Variants in UTP20 observed in about 807,000 individuals in gnomAD.
UTP20 encodes UTP20 small subunit processome component.
Under a neutral mutation model 329.5 loss-of-function variants are expected in UTP20, and 164 were observed. The observed-to-expected ratio is 0.50, with a 90% CI of 0.44 to 0.57. The LOEUF (loss-of-function observed/expected upper bound fraction) is 0.57. UTP20 is among the 20% of genes least tolerant of loss of function. UTP20 has a pLI of 0.00. For synonymous variants in UTP20, 1,151 were observed against 1,159.3 expected (o/e 0.99, Z 0.14); for missense variants, 3,055 against 3,284.2 (o/e 0.93, Z 1.71).
At chr12:101,298,220 G>T (rs1466963139) in intron 12 of UTP20, among the ~76,000 whole-genome samples, 2 of 152,132 alleles carry the variant, frequency 1.3e-5, no homozygotes, top group African/African-American at 2.4e-5. Flanking sequence ...CCTTCTTTTG[G>T]GGAAAGGAAT....
chr12:101,290,044 A>T, intron 6 of UTP20, 93 bp from the exon 7 acceptor site: 1 of 1,003,176 alleles, frequency 1.0e-6, no homozygotes, highest in Non-Finnish European at 1.4e-6. Flanking sequence ...AAGTATATTT[A>T]AATAACAATA....
chr12:101,288,106 T>A (rs899294961), intron 5 of UTP20, among the ~76,000 whole-genome samples: 4 of 152,228 alleles, frequency 2.6e-5, no homozygotes, highest in African/African-American at 9.6e-5. Flanking sequence ...CAAGCTTGTA[T>A]GACTTGAGCA....
At chr12:101,346,238 C>T (rs746506388) in intron 37 of UTP20, among the ~76,000 whole-genome samples, 11 of 152,134 alleles carry the variant, frequency 7.2e-5, no homozygotes, top group South Asian at 2.1e-4. Context: ...TTAGTAGAGA[C>T]GGGGTTTTCT....
intron 14 of UTP20, among the ~76,000 whole-genome samples, chr12:101,302,211 A>G (rs1260501200): frequency 1.3e-5 from 2 of 152,188 alleles, no homozygotes; most frequent in Non-Finnish European, 2.9e-5. Flanking sequence ...GATTACAGGT[A>G]TGAGCCACCA....
chr12:101,384,592 T>C (rs1870765752), intron 60 of UTP20, among the ~76,000 whole-genome samples: 1 of 152,214 alleles, frequency 6.6e-6, no homozygotes, highest in Non-Finnish European at 1.5e-5. Flanking sequence ...TTATATGAAA[T>C]AGTTTTAAAA....
chr12:101,315,442 C>CCACT (rs2137255717), intron 21 of UTP20, among the ~76,000 whole-genome samples: 1 of 151,834 alleles, frequency 6.6e-6, no homozygotes, highest in Admixed American at 6.6e-5. Flanking sequence ...TGAGATTGTG[C>CCACT]CACTGCACTC....
chr12:101,319,561 T>C lies in UTP20; in HGVS notation c.2755T>C (p.Leu919=), dbSNP rs1052768879. 1 of 1,605,868 alleles carries C rather than the reference T, an allele frequency of 6.2e-7. No individual in the cohort carries two copies. Among genetic ancestry groups the C allele is most frequent in the African/African-American group, 1.3e-5 (1 of 74,504 alleles). The change falls in exon 23 of 62, where the codon TTG becomes CTG. Residue 919 remains leucine, a synonymous_variant. Coordinates refer to ENST00000261637, the MANE Select transcript of UTP20 (RefSeq NM_014503.3). ...TTTGTTTAGGCAATTAATTGCTCAT[T>C]TGCAAGTTTTCTCTAAATTTTCAAA... The part of the protein sequence containing the change: ...RAAAKQLIAH[L]QVFSKFSNPR...
intron 11 of UTP20, 132 bp from the exon 12 acceptor site, chr12:101,295,348 A>C (rs1336956004): frequency 1.3e-6 from 1 of 785,192 alleles, no homozygotes; most frequent in African/African-American, 1.7e-5. Context: ...TTTAGTTTCC[A>C]TTGTTCCTAT....
At chr12:101,383,806 T>C (rs1313946012) in intron 60 of UTP20, 137 bp downstream of exon 60, 1 of 299,496 alleles carries the variant, frequency 3.3e-6, no homozygotes, top group Non-Finnish European at 5.2e-6. Context: ...TTTAATTATA[T>C]ATTATATACT....
At chr12:101,303,801 T>G (rs559093086) in intron 15 of UTP20, among the ~76,000 whole-genome samples, 2 of 152,338 alleles carry the variant, frequency 1.3e-5, no homozygotes, top group East Asian at 3.9e-4. Flanking sequence ...GGGAATACTA[T>G]AATAATCTGG....
Position 101,321,434 on chromosome 12 carries a change from A to G in UTP20, c.2916-70A>G, listed in dbSNP as rs1868372105. On this transcript the variant is annotated intron_variant, in intron 24 of 61. Coordinates refer to ENST00000261637, the MANE Select transcript of UTP20 (RefSeq NM_014503.3). ...ATTTTAGTTATTACTCTGTGTACAT[A>G]TTTCACTCTTTCATTATTCAAAAGC... 3.8e-6 allele frequency: 6 copies of G among 1,591,082 alleles called. No homozygotes were observed. In the Admixed American group the frequency reaches 5.1e-5, roughly 13 times the overall value.
In UTP20 at chr12:101,352,174, C is replaced by T; in HGVS notation, c.5004C>T (p.Ile1668=). 1 of 1,607,374 alleles carries T rather than the reference C, an allele frequency of 6.2e-7. No individual in the cohort carries two copies. Among genetic ancestry groups the T allele is most frequent in the Non-Finnish European group, 8.5e-7 (1 of 1,178,644 alleles). The change falls in exon 39 of 62, where the codon ATC becomes ATT. Residue 1668 remains isoleucine, a synonymous_variant. Transcript: ENST00000261637. ...TTCATGTCTTACAAACGGGACAGAT[C>T]AATCAAAAACTGGGTGTCAGGTGTG... ...HFIHVLQTGQ[I]NQKLGVSLLV... is the part of the protein sequence containing the mutation.
At position 101,290,987 on chromosome 12, in the gene UTP20, A is replaced by T. The variant is rs184791166; in HGVS notation, c.891+99A>T. On this transcript the variant is annotated intron_variant, in intron 8 of 61. Coordinates refer to ENST00000261637, the MANE Select transcript of UTP20 (RefSeq NM_014503.3). Reference sequence around the variant, plus strand: ...AAATCACTCCTAGAAGTTATATTTTATAATTGTTTTATTTATACTTCTGTA... The same window carrying T: ...AAATCACTCCTAGAAGTTATATTTTTTAATTGTTTTATTTATACTTCTGTA... The T allele has an allele frequency of 3.9e-6, 5 of 1,292,984 alleles. No homozygotes were observed. In the African/African-American group the frequency reaches 7.6e-5, roughly 20 times the overall value. The allele number at this position is 1,292,984 out of a possible 1,614,324, so 80.1% of individuals were successfully genotyped here.
At chr12:101,362,145 A>G (rs1869947516) in intron 44 of UTP20, 85 bp downstream of exon 44, 2 of 966,822 alleles carry the variant, frequency 2.1e-6, no homozygotes, top group African/African-American at 1.7e-5. Flanking sequence ...AGAAATAATA[A>G]TAGCCCATAA....
intron 17 of UTP20, among the ~76,000 whole-genome samples, chr12:101,307,374 A>G (rs1004684241): frequency 2.6e-5 from 4 of 151,556 alleles, no homozygotes; most frequent in African/African-American, 7.3e-5. Flanking sequence ...TATATCTACC[A>G]CATACCTCAT....
chr12:101,332,317 A>G (rs184694727), intron 27 of UTP20, among the ~76,000 whole-genome samples: 18 of 152,362 alleles, frequency 1.2e-4, no homozygotes, highest in Admixed American at 1.2e-3. Flanking sequence ...AACCTGGGCA[A>G]CAAGAGCGAA....
chr12:101,283,118 C>T (rs1871851986), intron 2 of UTP20, among the ~76,000 whole-genome samples: 1 of 152,172 alleles, frequency 6.6e-6, no homozygotes, highest in African/African-American at 2.4e-5. Flanking sequence ...TAGGTGACTT[C>T]AGAGGTGAAA....
At chr12:101,280,374 A>T in intron 1 of UTP20, 47 bp downstream of exon 1, 3 of 1,550,932 alleles carry the variant, frequency 1.9e-6, no homozygotes, top group Non-Finnish European at 2.6e-6. Flanking sequence ...CCGCTGCCTC[A>T]GTCGTGAGAC....
intron 21 of UTP20, among the ~76,000 whole-genome samples, chr12:101,314,645 G>A (rs1272969626): frequency 6.2e-5 from 9 of 146,072 alleles, no homozygotes; most frequent in East Asian, 4.3e-4. Context: ...GCGACAGAGC[G>A]AGACTCTGTC....
Sources: gnomAD v4.1 joint callset for allele counts (sites outside exome capture counted in the v4.1 genomes callset) on GRCh38, gnomAD v4.1.1 for gene constraint, MANE v1.5 for transcripts, NCBI Gene and HGNC (gene_info 2026-07-23, HGNC 2026-07-21) for gene names.